The following CMAS variants were observed in gnomAD, a reference collection of about 807,000 sequenced individuals.
CMAS encodes the protein N-acylneuraminate cytidylyltransferase.
In CMAS, 21 loss-of-function variants were observed where a neutral mutation model predicts 53.4. The ratio of observed to expected loss-of-function variants is 0.39; its 90% CI spans 0.28 to 0.57. The LOEUF is 0.57. Ranked by LOEUF, CMAS falls within the 20% of genes least tolerant of loss-of-function variation. The pLI, the probability that CMAS is intolerant of heterozygous loss-of-function variation, is 0.56. For missense variants in CMAS, 384 were observed against 534.9 expected (o/e 0.72, Z 2.78); for synonymous variants, 189 against 195.2 (o/e 0.97, Z 0.27).
chr12:22,064,303 G>A (rs1412566714), intron 7 of CMAS, among the ~76,000 whole-genome samples: 1 of 151,946 alleles, frequency 6.6e-6, no homozygotes, highest in African/African-American at 2.4e-5. Flanking sequence ...CAGAGAGGGA[G>A]GAAAAGGATA....
At chr12:22,055,670 TA>T in intron 3 of CMAS, 60 bp downstream of exon 3, 1 of 1,449,070 alleles carries the variant, frequency 6.9e-7, no homozygotes, top group South Asian at 1.2e-5. Flanking sequence ...TTTTTGTATA[TA>T]AATATCCTTT....
intron 7 of CMAS, among the ~76,000 whole-genome samples, chr12:22,062,906 G>T (rs76372663): frequency 2.4e-4 from 37 of 152,192 alleles, no homozygotes; most frequent in African/African-American, 8.4e-4. Flanking sequence ...AGACAAATGG[G>T]CCAATAGTGA....
rs1368233760 is a variant in CMAS, at chr12:22,055,717, G to C, written c.559+107G>C. The C allele has an allele frequency of 2.5e-5, 23 of 926,520 alleles. No homozygotes were observed. The East Asian group carries it at 6.0e-4, about 24-fold the overall frequency. 57.4% of individuals were successfully genotyped at this position (926,520 alleles called of 1,614,324 possible). A position where few individuals can be genotyped will look rare whatever the true frequency, so the allele number is the denominator to read the frequency against. Reference sequence around the variant, plus strand: ...AGAGTAAAAGGGGAGCTGTAAAAGAGAGTATTTGACTCATTACTTTAGTAG... The same window carrying C: ...AGAGTAAAAGGGGAGCTGTAAAAGACAGTATTTGACTCATTACTTTAGTAG... On this transcript the variant is annotated intron_variant, in intron 3 of 7. Transcript: ENST00000229329.
intron 1 of CMAS, among the ~76,000 whole-genome samples, chr12:22,047,207 A>G (rs897877207): frequency 5.9e-5 from 9 of 152,200 alleles, no homozygotes; most frequent in Admixed American, 5.9e-4. Flanking sequence ...ATTAATACTT[A>G]CAAATCATTT....
intron 1 of CMAS, 86 bp downstream of exon 1, chr12:22,046,649 G>T: frequency 2.2e-6 from 3 of 1,367,162 alleles, no homozygotes; most frequent in Non-Finnish European, 2.9e-6. Flanking sequence ...GGCCTCCGGG[G>T]CCACCGCTCT....
At chr12:22,061,034 G>T (rs1453365208) in intron 5 of CMAS, 108 bp downstream of exon 5, 1 of 770,748 alleles carries the variant, frequency 1.3e-6, no homozygotes, top group East Asian at 2.7e-5. Flanking sequence ...TAATTACTTT[G>T]TTCATGTGAG....
At position 22,055,535 on chromosome 12, in the gene CMAS, C is replaced by T. The variant is rs1223698463; in HGVS notation, c.484C>T (p.Arg162Ter). ...TDLQKVAEMI[R>*]EEGYDSVFSV... ...TCTTCAAAAAGTTGCAGAAATGATTCGAGAAGAAGGATATGATTCTGTTTT... is the reference window on the plus strand; with the variant it reads ...TCTTCAAAAAGTTGCAGAAATGATTTGAGAAGAAGGATATGATTCTGTTTT... Residue 162 changes from arginine (R) to a stop codon, truncating the protein, a stop_gained, in exon 3 of 8, where the codon CGA becomes TGA. Coordinates refer to ENST00000229329, the MANE Select transcript of CMAS (RefSeq NM_018686.6). LOFTEE classifies it high-confidence loss of function. The T allele has an allele frequency of 3.7e-6, 6 of 1,612,128 alleles. No individual in the cohort carries two copies. Among genetic ancestry groups the T allele is most frequent in the Non-Finnish European group, 5.1e-6 (6 of 1,179,382 alleles).
chr12:22,056,852 C>T (rs542200979), intron 3 of CMAS, among the ~76,000 whole-genome samples: 2 of 152,292 alleles, frequency 1.3e-5, no homozygotes, highest in East Asian at 1.9e-4. Context: ...ACCTTCTCCT[C>T]ATACTCAGCA....
At chr12:22,047,267 G>A (rs1322861579) in intron 1 of CMAS, among the ~76,000 whole-genome samples, 2 of 152,064 alleles carry the variant, frequency 1.3e-5, no homozygotes, top group Non-Finnish European at 2.9e-5. Context: ...TTAATTATGC[G>A]TAATTTAGAT....
intron 7 of CMAS, among the ~76,000 whole-genome samples, chr12:22,063,080 C>T (rs1950319405): frequency 6.6e-6 from 1 of 152,148 alleles, no homozygotes; most frequent in Non-Finnish European, 1.5e-5. Context: ...TTACCAGGTA[C>T]CTATGATGAT....
chr12:22,060,324 C>T (rs1483188389), intron 4 of CMAS, among the ~76,000 whole-genome samples: 1 of 66,160 alleles, frequency 1.5e-5, no homozygotes, highest in East Asian at 8.8e-4. Context: ...TTTGTGTGAG[C>T]TTTCTCCTTA....
At chr12:22,049,555 A>G (rs1224052635) in intron 1 of CMAS, among the ~76,000 whole-genome samples, 1 of 152,228 alleles carries the variant, frequency 6.6e-6, no homozygotes, top group Non-Finnish European at 1.5e-5. Flanking sequence ...CTCATTGACC[A>G]CAGGGATAAT....
At chr12:22,054,031 A>T (rs1002879736) in intron 1 of CMAS, among the ~76,000 whole-genome samples, 1 of 151,126 alleles carries the variant, frequency 6.6e-6, no homozygotes, top group Non-Finnish European at 1.5e-5. Context: ...GGTTCAAGCG[A>T]TCCTCCTGTC....
intron 7 of CMAS, among the ~76,000 whole-genome samples, chr12:22,062,792 C>CTT (rs910060112): frequency 8.5e-5 from 13 of 152,234 alleles, no homozygotes; most frequent in African/African-American, 3.1e-4. Flanking sequence ...GAGTAAAGCA[C>CTT]TTAGCAGAAT....
Position 22,046,228 on chromosome 12 carries a change from C to A in CMAS, c.-76C>A. On this transcript the variant is annotated 5_prime_UTR_variant, in exon 1 of 8. Coordinates refer to ENST00000229329, the MANE Select transcript of CMAS (RefSeq NM_018686.6). ...CGCGCGCCAGCTGCCAGGCGGGGAT[C>A]GGGCGGCGCCGAGCTGAGGTGGTGA... 1 of 1,337,690 alleles carries A rather than the reference C, an allele frequency of 7.5e-7. No individual in the cohort carries two copies. Among genetic ancestry groups the A allele is most frequent in the Non-Finnish European group, 9.7e-7 (1 of 1,031,052 alleles). The allele number at this position is 1,337,690 out of a possible 1,614,324, so 82.9% of individuals were successfully genotyped here.
chr12:22,046,283 G>C lies in CMAS; in HGVS notation c.-21G>C. Reference sequence around the variant, plus strand: ...CTAGCTCCCGGATGTGGAGAAGCTGGGGAGAAGGCGTGGGAGGAAGATGGA... The same window carrying C: ...CTAGCTCCCGGATGTGGAGAAGCTGCGGAGAAGGCGTGGGAGGAAGATGGA... On this transcript the variant is annotated 5_prime_UTR_variant, in exon 1 of 8. Coordinates refer to ENST00000229329, the MANE Select transcript of CMAS (RefSeq NM_018686.6). 2.8e-6 allele frequency: 4 copies of C among 1,434,154 alleles called. No homozygotes were observed. The highest frequency in any genetic ancestry group is 3.7e-6 in the Non-Finnish European group (4 of 1,090,688). 88.8% of individuals were successfully genotyped at this position (1,434,154 alleles called of 1,614,324 possible).
In CMAS at chr12:22,049,820, A is replaced by G. The variant is rs1182605395; in HGVS notation, c.260+3257A>G. ...CTCAGGAGGCTGAGGCAGGGGAATC[A>G]CCTGAACCCGGGAGGTGGAGGTTGC... On this transcript the variant is annotated intron_variant, in intron 1 of 7. Transcript: ENST00000229329. Among the ~76,000 whole-genome samples, 5 of 151,616 alleles carry G rather than the reference A, an allele frequency of 3.3e-5. No homozygotes were observed. The East Asian group carries it at 9.7e-4, about 29-fold the overall frequency.
intron 4 of CMAS, among the ~76,000 whole-genome samples, chr12:22,059,656 G>A (rs1333109249): frequency 6.6e-6 from 1 of 152,098 alleles, no homozygotes; most frequent in East Asian, 1.9e-4. Context: ...AAATCTTCTG[G>A]TCAATGTGTA....
At position 22,046,439 on chromosome 12, in the gene CMAS, G is replaced by C. The variant is rs1460164918; in HGVS notation, c.136G>C (p.Ala46Pro). The change falls in exon 1 of 8, where the codon GCA (alanine) becomes CCA (proline). Residue 46 changes from alanine (A) to proline (P), a missense_variant. Ala to Pro is a conservative substitution (Grantham distance 27). Coordinates refer to ENST00000229329, the MANE Select transcript of CMAS (RefSeq NM_018686.6). ...GRGVEKPPHL[A>P]ALILARGGSK... ...AGGTGTGGAGAAGCCCCCGCACCTG[G>C]CAGCCCTAATTCTGGCCCGGGGAGG... 1 of 1,609,314 alleles carries C rather than the reference G, an allele frequency of 6.2e-7. No homozygotes were observed. Among genetic ancestry groups the C allele is most frequent in the Non-Finnish European group, 8.5e-7 (1 of 1,178,440 alleles).
Sources: allele counts gnomAD v4.1 joint callset (sites outside exome capture counted in the v4.1 genomes callset), GRCh38; gene constraint gnomAD v4.1.1; transcripts MANE v1.5; gene names NCBI Gene and HGNC (gene_info 2026-07-23, HGNC 2026-07-21).